The following CUL4B variants were observed in gnomAD, a reference collection of about 807,000 sequenced individuals.
The protein encoded by CUL4B is cullin 4B.
Under a neutral mutation model 69.2 loss-of-function variants are expected in CUL4B, and 1 was observed. The ratio of observed to expected loss-of-function variants is 0.01; its 90% CI spans 0.01 to 0.07. The LOEUF is 0.07. CUL4B is among the 10% of genes least tolerant of loss of function. CUL4B has a pLI of 1.00. For missense variants in CUL4B, 328 were observed against 638.8 expected (o/e 0.51, Z 5.24); for synonymous variants, 237 against 223.2 (o/e 1.06, Z -0.55).
chrX:120,538,595 G>C, intron 13 of CUL4B, 65 bp downstream of exon 13: 1 of 736,782 alleles, frequency 1.4e-6, no homozygotes, highest in Admixed American at 2.2e-5. Flanking sequence ...TCGATTGAAA[G>C]GGTAAAAAGC....
upstream of CUL4B, among the ~76,000 whole-genome samples, chrX:120,565,381 A>C (rs1602593792): frequency 9.2e-6 from 1 of 109,194 alleles, no homozygotes; most frequent in Admixed American, 9.8e-5. Flanking sequence ...AAAAACCAAA[A>C]CAAAACAAAA....
chrX:120,535,779 A>C, intron 16 of CUL4B, 51 bp downstream of exon 16: 1 of 761,011 alleles, frequency 1.3e-6, no homozygotes, highest in African/African-American at 2.0e-5. Flanking sequence ...AGGATGACCT[A>C]AACATTAAAG....
chrX:120,549,930 T>G (rs1924589195), intron 2 of CUL4B, among the ~76,000 whole-genome samples: 1 of 111,959 alleles, frequency 8.9e-6, no homozygotes, highest in Non-Finnish European at 1.9e-5. Flanking sequence ...CTTTCCACAT[T>G]GTGCACTTCC....
chrX:120,535,339 C>A (rs1021709238), intron 16 of CUL4B, among the ~76,000 whole-genome samples: 1 of 111,511 alleles, frequency 9.0e-6, no homozygotes. Flanking sequence ...CCTAAAATTA[C>A]TTAAAAATAC....
chrX:120,564,390 G>A (rs979226283), upstream of CUL4B, among the ~76,000 whole-genome samples: 2 of 111,901 alleles, frequency 1.8e-5, no homozygotes, highest in African/African-American at 6.5e-5. Context: ...CCGATCACCT[G>A]AGGTCAGGGG....
In CUL4B at chrX:120,533,448, C is replaced by A. The variant is rs143093777; in HGVS notation, c.2267-854G>T. ...TCATCTTACCTAATTTTTTAACTCA[C>A]TATTCTATGTTACAATTAAGCTCTT... On this transcript the variant is annotated intron_variant, in intron 17 of 19. Coordinates refer to ENST00000371322, the MANE Select transcript of CUL4B (RefSeq NM_001079872.2). Among the ~76,000 whole-genome samples, 35 of 112,149 alleles carry A rather than the reference C, an allele frequency of 3.1e-4. 1 individual carries two copies. In the East Asian group the frequency reaches 9.5e-3, roughly 30 times the overall value.
At chrX:120,555,729 G>C in intron 2 of CUL4B, among the ~76,000 whole-genome samples, 1 of 109,360 alleles carries the variant, frequency 9.1e-6, no homozygotes, top group Non-Finnish European at 1.9e-5. Flanking sequence ...ATCACTTGAG[G>C]TCAGGAGTTC....
chrX:120,534,023 G>A (rs1394382846), intron 17 of CUL4B, among the ~76,000 whole-genome samples: 5 of 109,816 alleles, frequency 4.6e-5, no homozygotes, highest in Admixed American at 9.7e-5. Context: ...CCGAGATCGC[G>A]CCACTGCACT....
intron 3 of CUL4B, 31 bp from the exon 4 acceptor site, chrX:120,546,647 G>A (rs753832927): frequency 6.7e-6 from 7 of 1,044,554 alleles, no homozygotes; most frequent in African/African-American, 3.7e-5. Context: ...ATTTTAAAGC[G>A]TTTGGTACAA....
At position 120,534,502 on chromosome X, in the gene CUL4B, T is replaced by C; in HGVS notation, c.2245A>G (p.Ile749Val). Residue 749 changes from isoleucine to valine, a missense_variant, in exon 17 of 20, where the codon ATC (isoleucine) becomes GTC (valine). Physicochemically the swap from Ile to Val is conservative, Grantham distance 29. Transcript: ENST00000371322. ...AAACCTATTCCAGTTGCCTGCTTGATCTCTTCTAAACTGAACTCCTCTCCC... is the reference window on the plus strand; with the variant it reads ...AAACCTATTCCAGTTGCCTGCTTGACCTCTTCTAAACTGAACTCCTCTCCC... ...NEGEEFSLEE[I>V]KQATGIEDGE... The C allele has an allele frequency of 8.3e-7, 1 of 1,203,472 alleles. No individual in the cohort carries two copies. Among genetic ancestry groups the C allele is most frequent in the Non-Finnish European group, 1.1e-6 (1 of 888,209 alleles).
At position 120,546,471 on chromosome X, in the gene CUL4B, C is replaced by T. The variant is rs754155826; in HGVS notation, c.846+76G>A. The T allele has an allele frequency of 9.9e-6, 8 of 808,496 alleles. No individual in the cohort carries two copies. The African/African-American group carries it at 1.6e-4, about 16-fold the overall frequency. 66.6% of individuals were successfully genotyped at this position (808,496 alleles called of 1,213,427 possible). On this transcript the variant is annotated intron_variant, in intron 4 of 19. Coordinates refer to ENST00000371322, the MANE Select transcript of CUL4B (RefSeq NM_001079872.2). Reference sequence around the variant, plus strand: ...CCTATTGCTAAGTTTTAAAAACTAACATTCCTGTATTTGAAGAAATGTTTT... The same window carrying T: ...CCTATTGCTAAGTTTTAAAAACTAATATTCCTGTATTTGAAGAAATGTTTT...
chrX:120,559,308 T>C (rs1925150131), intron 1 of CUL4B, among the ~76,000 whole-genome samples: 1 of 112,359 alleles, frequency 8.9e-6, no homozygotes, highest in Non-Finnish European at 1.9e-5. Flanking sequence ...CTCAAATACA[T>C]TTTTAAAAAT....
intron 10 of CUL4B, 87 bp from the exon 11 acceptor site, chrX:120,540,649 A>T: frequency 1.5e-6 from 1 of 658,343 alleles, no homozygotes; most frequent in Non-Finnish European, 2.3e-6. Flanking sequence ...TGGCATATAT[A>T]TTTAAAGATC....
chrX:120,567,299 G>T (rs766127119), downstream of CUL4B, among the ~76,000 whole-genome samples: 2 of 107,753 alleles, frequency 1.9e-5, no homozygotes, highest in Non-Finnish European at 3.8e-5. Flanking sequence ...AAATTTTTTG[G>T]TATTTTTAGT....
chrX:120,537,130 T>C (rs1401748688), intron 14 of CUL4B, 96 bp from the exon 15 acceptor site: 1 of 622,575 alleles, frequency 1.6e-6, no homozygotes, highest in African/African-American at 2.2e-5. Context: ...TGAAATTACA[T>C]GCAAACACTG....
At chrX:120,537,309 G>A (rs528132849) in intron 14 of CUL4B, among the ~76,000 whole-genome samples, 4 of 111,394 alleles carry the variant, frequency 3.6e-5, no homozygotes, top group East Asian at 5.7e-4. Context: ...CAGCTGGGCC[G>A]TTATAGGATC....
At chrX:120,529,987 CTT>C in intron 19 of CUL4B, 113 bp downstream of exon 19, 1 of 774,782 alleles carries the variant, frequency 1.3e-6, no homozygotes, top group African/African-American at 2.1e-5. Flanking sequence ...GAAATTAAAA[CTT>C]TTCTCTCTCT....
At chrX:120,556,477 T>C (rs1332861042) in intron 2 of CUL4B, among the ~76,000 whole-genome samples, 1 of 111,670 alleles carries the variant, frequency 9.0e-6, no homozygotes, top group Non-Finnish European at 1.9e-5. Context: ...ATTTGATTCT[T>C]ATCAGCAACC....
At position 120,524,656 on chromosome X, in the gene CUL4B, G is replaced by A. The variant is rs1235368964; in HGVS notation, c.*2105C>T. 1 of 111,517 alleles carries A rather than the reference G, an allele frequency of 9.0e-6. No homozygotes were observed. Among genetic ancestry groups the A allele is most frequent in the Admixed American group, 9.6e-5 (1 of 10,396 alleles). The allele number at this position is 111,517 out of a possible 1,213,427, so 9.2% of individuals were successfully genotyped here. ...TATTGGAGAAAAATAGAACCACCAC[G>A]TACACAGGGAAAAGAGCACAAAAAT... On this transcript the variant is annotated 3_prime_UTR_variant, in exon 20 of 20. Coordinates refer to ENST00000371322, the MANE Select transcript of CUL4B (RefSeq NM_001079872.2).
Sources: gnomAD v4.1 joint callset for allele counts (sites outside exome capture counted in the v4.1 genomes callset) on GRCh38, gnomAD v4.1.1 for gene constraint, MANE v1.5 for transcripts, NCBI Gene and HGNC (gene_info 2026-07-23, HGNC 2026-07-21) for gene names.